The following PCDH15 variants were observed in gnomAD, a reference collection of about 807,000 sequenced individuals.
PCDH15 encodes protocadherin related 15, also known as protocadherin-15.
In PCDH15, 129 loss-of-function variants were observed where a neutral mutation model predicts 178.5. The ratio of observed to expected loss-of-function variants is 0.72; its 90% confidence interval spans 0.63 to 0.84. The LOEUF (loss-of-function observed/expected upper bound fraction) is 0.84, where lower values mean the gene tolerates loss of function less well. PCDH15 is among the 40% of genes least tolerant of loss of function. PCDH15 has a pLI of 0.00. For missense variants in PCDH15, 2,230 were observed against 2,099.9 expected (o/e 1.06, Z -1.21); for synonymous variants, 800 against 732.0 (o/e 1.09, Z -1.50).
intron 25 of PCDH15, among the ~76,000 whole-genome samples, chr10:53,933,600 T>A (rs2085288776): frequency 6.6e-6 from 1 of 152,274 alleles, no homozygotes; most frequent in Non-Finnish European, 1.5e-5. Context: ...TGGTTCCAAG[T>A]CTTTGCTATT....
At chr10:54,088,714 T>A (rs2136037389) in intron 16 of PCDH15, among the ~76,000 whole-genome samples, 1 of 152,334 alleles carries the variant, frequency 6.6e-6, no homozygotes, top group South Asian at 2.1e-4. Flanking sequence ...TTTGAGTTCA[T>A]TTTTGTGAAT....
At chr10:54,233,813 C>T (rs2054326680) in intron 9 of PCDH15, among the ~76,000 whole-genome samples, 1 of 152,180 alleles carries the variant, frequency 6.6e-6, no homozygotes, top group Non-Finnish European at 1.5e-5. Context: ...TTAAAACTCC[C>T]TATGAACATC....
At chr10:55,237,732 T>C (rs562669076) in intron 1 of PCDH15, among the ~76,000 whole-genome samples, 11 of 152,116 alleles carry the variant, frequency 7.2e-5, no homozygotes, top group Non-Finnish European at 1.5e-4. Context: ...TTTTTTCCTC[T>C]GAAATGTTAT....
At chr10:54,163,147 T>C (rs1465776660) in intron 13 of PCDH15, among the ~76,000 whole-genome samples, 1 of 152,164 alleles carries the variant, frequency 6.6e-6, no homozygotes, top group East Asian at 1.9e-4. Context: ...ATCTACAAGC[T>C]TCTGGGAGAA....
chr10:54,225,138 A>C (rs763618383), intron 9 of PCDH15, among the ~76,000 whole-genome samples: 1 of 152,066 alleles, frequency 6.6e-6, no homozygotes, highest in Non-Finnish European at 1.5e-5. Context: ...TGTATAGTTC[A>C]GGTATACCTA....
intron 9 of PCDH15, among the ~76,000 whole-genome samples, chr10:54,222,369 T>C (rs1188484975): frequency 6.6e-6 from 1 of 152,228 alleles, no homozygotes. Context: ...TAGCAATGAC[T>C]GATTTGTTCA....
At chr10:53,859,917 A>G (rs2078990282) in intron 27 of PCDH15, among the ~76,000 whole-genome samples, 1 of 152,148 alleles carries the variant, frequency 6.6e-6, no homozygotes. Context: ...TAGAAACAGG[A>G]TTTAATCAAG....
chr10:55,620,264 A>G lies in PCDH15; in HGVS notation c.-156+7361T>C, dbSNP rs191379711. On this transcript the variant is annotated intron_variant, in intron 2 of 5. Coordinates refer to the PCDH15 transcript ENST00000613346. The stretch of plus-strand genomic sequence containing the variant: ...ACACATGACATATTTCACAAAGTGA[A>G]TAACTGTGAGAAGCTTGGGAATTGT... Among the ~76,000 whole-genome samples, 19 of 152,230 alleles carry G rather than the reference A, an allele frequency of 1.2e-4. No individual in the cohort carries two copies. In the East Asian group the frequency reaches 3.7e-3, roughly 29 times the overall value.
intron 3 of PCDH15, among the ~76,000 whole-genome samples, chr10:54,828,537 A>G (rs896783781): frequency 6.6e-6 from 1 of 151,992 alleles, no homozygotes; most frequent in Non-Finnish European, 1.5e-5. Flanking sequence ...AGGAAAAAAT[A>G]TAGTTATAGA....
chr10:55,009,197 T>C (rs1462142305), intron 2 of PCDH15, among the ~76,000 whole-genome samples: 1 of 152,032 alleles, frequency 6.6e-6, no homozygotes. Flanking sequence ...AACAGTCTTG[T>C]GTTGTGAAGA....
intron 1 of PCDH15, among the ~76,000 whole-genome samples, chr10:54,685,195 G>A (rs1489863543): frequency 6.6e-6 from 1 of 152,028 alleles, no homozygotes; most frequent in African/African-American, 2.4e-5. Context: ...GCACGGAGCT[G>A]TCATCTCCTA....
chr10:55,273,823 C>A (rs1234100394), intron 1 of PCDH15, among the ~76,000 whole-genome samples: 1 of 151,970 alleles, frequency 6.6e-6, no homozygotes, highest in Non-Finnish European at 1.5e-5. Context: ...AGCATATAAC[C>A]TATTATATTT....
intron 25 of PCDH15, among the ~76,000 whole-genome samples, chr10:53,923,479 T>A (rs186350681): frequency 6.6e-6 from 1 of 152,358 alleles, no homozygotes; most frequent in Non-Finnish European, 1.5e-5. Context: ...TGCTTTTGCA[T>A]TGAAGCAATG....
At chr10:54,421,944 T>A (rs867212725) in intron 3 of PCDH15, among the ~76,000 whole-genome samples, 14 of 107,340 alleles carry the variant, frequency 1.3e-4, no homozygotes, top group Admixed American at 3.6e-4. Context: ...TATATATATA[T>A]AAAAATATAT....
intron 2 of PCDH15, among the ~76,000 whole-genome samples, chr10:55,479,127 C>T (rs1040490463): frequency 1.3e-5 from 2 of 151,326 alleles, no homozygotes; most frequent in African/African-American, 4.8e-5. Context: ...AAGAATTCTT[C>T]CAAACCCATT....
At chr10:55,092,975 C>A (rs1842354310) in intron 2 of PCDH15, among the ~76,000 whole-genome samples, 1 of 151,856 alleles carries the variant, frequency 6.6e-6, no homozygotes, top group Non-Finnish European at 1.5e-5. Context: ...AAAAACAAAG[C>A]ATTCTTTGAA....
At chr10:53,874,063 T>C (rs2080052454) in intron 26 of PCDH15, among the ~76,000 whole-genome samples, 1 of 152,184 alleles carries the variant, frequency 6.6e-6, no homozygotes, top group Non-Finnish European at 1.5e-5. Flanking sequence ...GCTATAGAAG[T>C]CTGAATGCAA....
intron 2 of PCDH15, among the ~76,000 whole-genome samples, chr10:55,097,105 A>C (rs1415934358): frequency 6.6e-6 from 1 of 152,056 alleles, no homozygotes; most frequent in East Asian, 1.9e-4. Flanking sequence ...GTTGTCAACT[A>C]GTGTTTTGTA....
intron 2 of PCDH15, among the ~76,000 whole-genome samples, chr10:55,476,594 C>T (rs141128670): frequency 5.2e-4 from 79 of 151,900 alleles, no homozygotes; most frequent in African/African-American, 1.2e-3. Context: ...TTGACCACTG[C>T]GTACTTGGAA....
Sources: allele counts gnomAD v4.1 joint callset (sites outside exome capture counted in the v4.1 genomes callset), GRCh38; gene constraint gnomAD v4.1.1; transcripts MANE v1.5; gene names NCBI Gene and HGNC (gene_info 2026-07-23, HGNC 2026-07-21).